ELMO1: variants seen among roughly 807,000 people sequenced by gnomAD.
ELMO1 encodes the protein engulfment and cell motility 1, also known as engulfment and cell motility protein 1.
In ELMO1, 26 loss-of-function variants were observed where a neutral mutation model predicts 98.9. That is an observed-to-expected ratio of 0.26 (90% CI 0.19 to 0.36). The LOEUF (loss-of-function observed/expected upper bound fraction) is 0.36. Among genes scored for constraint, ELMO1 ranks in the 10% least tolerant of loss-of-function variants. The pLI is 1.00. For synonymous variants in ELMO1, 346 were observed against 346.0 expected, an observed-to-expected ratio of 1.00 and a Z score of 0.00; for missense variants, 627 against 935.2, an observed-to-expected ratio of 0.67 and a Z score of 4.30.
intron 1 of ELMO1, chr7:37,376,061 G>C (rs933091285): frequency 2.7e-6 from 1 of 367,768 alleles, no homozygotes; most frequent in African/African-American, 2.1e-5. Flanking sequence ...TAAACTTACA[G>C]CCAAAAAAAC....
intron 14 of ELMO1, among the ~76,000 whole-genome samples, chr7:37,126,200 G>A (rs1786499629): frequency 6.6e-6 from 1 of 151,474 alleles, no homozygotes; most frequent in Non-Finnish European, 1.5e-5. Flanking sequence ...TAATGTAAAT[G>A]ACTAGTTAAT....
chr7:37,036,245 C>T (rs1482317313), intron 15 of ELMO1, among the ~76,000 whole-genome samples: 1 of 152,044 alleles, frequency 6.6e-6, no homozygotes, highest in Non-Finnish European at 1.5e-5. Flanking sequence ...TGGACCCATG[C>T]AATTCAAACC....
intron 13 of ELMO1, among the ~76,000 whole-genome samples, chr7:37,179,278 TC>T (rs1399329856): frequency 1.3e-5 from 1 of 77,842 alleles, no homozygotes; most frequent in Non-Finnish European, 3.0e-5. Flanking sequence ...TGCATATAGC[TC>T]TTTTTTTTTT....
chr7:37,156,158 G>A lies in ELMO1; in HGVS notation c.1087-22924C>T, dbSNP rs371405224. 3.0e-4 allele frequency among the ~76,000 whole-genome samples: 46 copies of A among 152,278 alleles called. No individual in the cohort carries two copies. In the East Asian group the frequency reaches 8.7e-3, roughly 29 times the overall value. ...AAAGACACAACGTACCAGAATCTCT[G>A]GGACACATTTAAAGCAGTGTGTAGA... is the stretch of plus-strand genomic sequence containing the variant. On this transcript the variant is annotated intron_variant, in intron 13 of 21. Coordinates refer to ENST00000310758, the MANE Select transcript of ELMO1 (RefSeq NM_014800.11).
chr7:37,426,585 T>G (rs1265317491), intron 1 of ELMO1, among the ~76,000 whole-genome samples: 1 of 152,208 alleles, frequency 6.6e-6, no homozygotes, highest in African/African-American at 2.4e-5. Context: ...TCAGCTCTCC[T>G]TGTTATTATT....
At chr7:37,396,912 T>C (rs1012699310) in intron 1 of ELMO1, among the ~76,000 whole-genome samples, 1 of 152,210 alleles carries the variant, frequency 6.6e-6, no homozygotes, top group African/African-American at 2.4e-5. Context: ...GGCAAAGGAG[T>C]AATAAGAGGA....
At chr7:37,088,862 T>C (rs1341449452) in intron 15 of ELMO1, among the ~76,000 whole-genome samples, 1 of 152,276 alleles carries the variant, frequency 6.6e-6, no homozygotes, top group African/African-American at 2.4e-5. Flanking sequence ...AGTTAGGCTT[T>C]AGAACATTTG....
intron 14 of ELMO1, among the ~76,000 whole-genome samples, chr7:37,099,575 A>C (rs1194583538): frequency 6.6e-6 from 1 of 152,244 alleles, no homozygotes; most frequent in African/African-American, 2.4e-5. Flanking sequence ...CACTCATCTT[A>C]GAATATATCA....
At chr7:37,006,568 T>A (rs573556655) in intron 16 of ELMO1, among the ~76,000 whole-genome samples, 1 of 152,110 alleles carries the variant, frequency 6.6e-6, no homozygotes, top group Non-Finnish European at 1.5e-5. Flanking sequence ...GGGGACATCA[T>A]CCTTAGGGAG....
chr7:37,339,292 A>G (rs917535305), intron 2 of ELMO1, among the ~76,000 whole-genome samples: 3 of 152,196 alleles, frequency 2.0e-5, no homozygotes, highest in Middle Eastern at 6.3e-3. Context: ...TGCATTTTGT[A>G]CAAGCTCCCT....
intron 16 of ELMO1, among the ~76,000 whole-genome samples, chr7:37,001,517 A>T (rs1315462429): frequency 2.6e-5 from 4 of 152,260 alleles, no homozygotes; most frequent in African/African-American, 9.6e-5. Context: ...CAGACTTAAA[A>T]ATAAACAACT....
At chr7:37,075,580 T>C (rs373190177) in intron 15 of ELMO1, among the ~76,000 whole-genome samples, 3 of 152,320 alleles carry the variant, frequency 2.0e-5, no homozygotes, top group African/African-American at 7.2e-5. Context: ...CAAGGTTCTA[T>C]TCGGCAGCTA....
chr7:37,142,313 T>C (rs572068260), intron 13 of ELMO1, among the ~76,000 whole-genome samples: 5 of 152,392 alleles, frequency 3.3e-5, no homozygotes, highest in South Asian at 2.1e-4. Context: ...CTTTGATACA[T>C]TGGATTCTCA....
chr7:36,959,478 C>T (rs1046586605), intron 16 of ELMO1, among the ~76,000 whole-genome samples: 1 of 152,116 alleles, frequency 6.6e-6, no homozygotes, highest in Admixed American at 6.5e-5. Flanking sequence ...TTGACATCTG[C>T]GTACTTTGAA....
chr7:37,414,899 C>CT (rs1168313309), intron 1 of ELMO1, among the ~76,000 whole-genome samples: 8 of 152,006 alleles, frequency 5.3e-5, no homozygotes, highest in Non-Finnish European at 1.0e-4. Context: ...ACTAATAATC[C>CT]TTTTTTTTCT....
intron 5 of ELMO1, among the ~76,000 whole-genome samples, chr7:37,262,747 G>A (rs1796038289): frequency 6.6e-6 from 1 of 152,204 alleles, no homozygotes; most frequent in South Asian, 2.1e-4. Context: ...AGGGGACCAT[G>A]ATGGAAACCT....
At chr7:37,101,399 C>T (rs544471522) in intron 14 of ELMO1, among the ~76,000 whole-genome samples, 8 of 152,224 alleles carry the variant, frequency 5.3e-5, no homozygotes, top group South Asian at 4.2e-4. Flanking sequence ...TTTTATTAGC[C>T]GGTGACCGAG....
At chr7:37,296,830 C>T (rs1037992002) in intron 4 of ELMO1, among the ~76,000 whole-genome samples, 14 of 152,074 alleles carry the variant, frequency 9.2e-5, no homozygotes, top group Non-Finnish European at 1.2e-4. Flanking sequence ...ATAATAAATA[C>T]TGGAAATCGG....
At chr7:37,256,949 T>G (rs1348917051) in intron 6 of ELMO1, among the ~76,000 whole-genome samples, 1 of 152,218 alleles carries the variant, frequency 6.6e-6, no homozygotes, top group East Asian at 1.9e-4. Context: ...TCATAATAAA[T>G]GCCTATCCTG....
Sources: gnomAD v4.1 joint callset for allele counts (sites outside exome capture counted in the v4.1 genomes callset) on GRCh38, gnomAD v4.1.1 for gene constraint, MANE v1.5 for transcripts, NCBI Gene and HGNC (gene_info 2026-07-23, HGNC 2026-07-21) for gene names.